The following SLC45A2 variants were observed in gnomAD, a reference collection of about 807,000 sequenced individuals.
The protein encoded by SLC45A2 is membrane-associated transporter protein.
Under a neutral mutation model 45.5 loss-of-function variants are expected in SLC45A2, and 36 were observed. The observed-to-expected ratio is 0.79, with a 90% confidence interval of 0.61 to 1.04. SLC45A2 has a LOEUF of 1.04. Among genes scored for constraint, SLC45A2 ranks in the 50% least tolerant of loss-of-function variants. The pLI is 0.00. For synonymous variants in SLC45A2, 306 were observed against 269.3 expected (o/e 1.14, Z -1.33); for missense variants, 719 against 671.0 (o/e 1.07, Z -0.79).
At chr5:33,962,268 T>C (rs1004582045) in intron 3 of SLC45A2, among the ~76,000 whole-genome samples, 3 of 152,242 alleles carry the variant, frequency 2.0e-5, no homozygotes, top group African/African-American at 7.2e-5. Context: ...AGTTTTATGG[T>C]CCCCAAATAT....
rs909760291 is a variant in SLC45A2 at position 33,944,851 on chromosome 5, C to A, written c.1390G>T (p.Asp464Tyr). The A allele has an allele frequency of 6.2e-7, 1 of 1,613,330 alleles. No individual in the cohort carries two copies. The highest frequency in any genetic ancestry group is 8.5e-7 in the Non-Finnish European group (1 of 1,179,658). The change falls in exon 7 of 7, where the codon GAC becomes TAC. Residue 464 changes from aspartate (D) to tyrosine (Y), a missense_variant. Transcript: ENST00000296589. Reference sequence around the variant, plus strand: ...TTCCCTCTCACGCTGTTGTCTGGGTCCCCTCCTGGGGCCTGCTGCCTCTGC... The same window carrying A: ...TTCCCTCTCACGCTGTTGTCTGGGTACCCTCCTGGGGCCTGCTGCCTCTGC... Reference protein sequence around the residue: ...EKERQQAPGGDPDNSVRGKGM... With the variant: ...EKERQQAPGGYPDNSVRGKGM...
chr5:33,979,371 C>A (rs140223798), intron 2 of SLC45A2, among the ~76,000 whole-genome samples: 1 of 152,296 alleles, frequency 6.6e-6, no homozygotes, highest in East Asian at 1.9e-4. Flanking sequence ...GGGGTTGTGG[C>A]AACCAAGGTT....
At chr5:33,959,732 T>C (rs1218507167) in intron 3 of SLC45A2, among the ~76,000 whole-genome samples, 1 of 152,186 alleles carries the variant, frequency 6.6e-6, no homozygotes, top group Non-Finnish European at 1.5e-5. Context: ...CAGTCATGTT[T>C]ATAGAATGAG....
intron 6 of SLC45A2, chr5:33,945,959 A>C: frequency 1.0e-6 from 1 of 985,386 alleles, no homozygotes; most frequent in Non-Finnish European, 1.2e-6. Context: ...GGAGATAGTA[A>C]ATGGTAAAGG....
chr5:33,945,822 A>C (rs1193962965), intron 6 of SLC45A2: 1 of 470,508 alleles, frequency 2.1e-6, no homozygotes, highest in Non-Finnish European at 2.8e-6. Flanking sequence ...ATGCTGAAAA[A>C]CGCATATTAT....
intron 2 of SLC45A2, among the ~76,000 whole-genome samples, chr5:33,974,851 C>T (rs1752878924): frequency 6.6e-6 from 1 of 152,094 alleles, no homozygotes; most frequent in Admixed American, 6.5e-5. Flanking sequence ...ATGGGTAATT[C>T]TATTAATTTC....
At chr5:33,969,077 G>C (rs1281635306) in intron 2 of SLC45A2, among the ~76,000 whole-genome samples, 25 of 58,758 alleles carry the variant, frequency 4.3e-4, no homozygotes, top group South Asian at 2.3e-3. Context: ...GTGTGTGTGT[G>C]TGTGTGTGTG....
intron 5 of SLC45A2, among the ~76,000 whole-genome samples, chr5:33,949,534 G>C (rs1171560405): frequency 6.6e-6 from 1 of 152,142 alleles, no homozygotes; most frequent in Non-Finnish European, 1.5e-5. Flanking sequence ...GAGTGAAAAA[G>C]GGCAAAGTAT....
chr5:33,946,008 T>G, intron 6 of SLC45A2: 1 of 985,480 alleles, frequency 1.0e-6, no homozygotes, highest in Non-Finnish European at 1.2e-6. Context: ...ATTGTGAATA[T>G]ATTATCTCAC....
intron 3 of SLC45A2, among the ~76,000 whole-genome samples, chr5:33,961,531 T>C (rs911567631): frequency 6.6e-6 from 1 of 152,206 alleles, no homozygotes; most frequent in South Asian, 2.1e-4. Context: ...CCCCAAAATC[T>C]CTATTCAAAT....
At chr5:33,945,006 A>G in intron 6 of SLC45A2, 134 bp from the exon 7 acceptor site, 1 of 828,702 alleles carries the variant, frequency 1.2e-6, no homozygotes, top group South Asian at 1.5e-5. Flanking sequence ...CCTGGTCATA[A>G]CTACTCAACT....
intron 3 of SLC45A2, among the ~76,000 whole-genome samples, chr5:33,961,653 C>T (rs1752460273): frequency 6.6e-6 from 1 of 152,110 alleles, no homozygotes; most frequent in South Asian, 2.1e-4. Context: ...TGCTATTTTG[C>T]CATTTGTGGC....
At chr5:33,954,196 T>C (rs774670695) in intron 4 of SLC45A2, among the ~76,000 whole-genome samples, 165 bp downstream of exon 4, 2 of 152,152 alleles carry the variant, frequency 1.3e-5, no homozygotes, top group Non-Finnish European at 2.9e-5. Flanking sequence ...TTGTCCAGGG[T>C]ATAGTAGCAT....
At position 33,947,986 on chromosome 5, in the gene SLC45A2, C is replaced by A. The variant is rs1751988630; in HGVS notation, c.1157-612G>T. Reference sequence around the variant, plus strand: ...GGTAAGGGGCTCCCACAGCACCCAGCATCTCCTCATCGCTGGCTCCCTAAC... The same window carrying A: ...GGTAAGGGGCTCCCACAGCACCCAGAATCTCCTCATCGCTGGCTCCCTAAC... On this transcript the variant is annotated intron_variant, in intron 5 of 6. Coordinates refer to ENST00000296589, the MANE Select transcript of SLC45A2 (RefSeq NM_016180.5). 2.6e-5 allele frequency among the ~76,000 whole-genome samples: 4 copies of A among 152,352 alleles called. No homozygotes were observed. The South Asian group carries it at 8.3e-4, about 32-fold the overall frequency.
At chr5:33,946,745 G>A (rs1325159789) in intron 6 of SLC45A2, 1 of 1,079,840 alleles carries the variant, frequency 9.3e-7, no homozygotes, top group Non-Finnish European at 1.1e-6. Flanking sequence ...ACCTCTGAAA[G>A]TTGGGGATAG....
chr5:33,983,496 T>C (rs892669844), intron 1 of SLC45A2, among the ~76,000 whole-genome samples: 11 of 152,380 alleles, frequency 7.2e-5, no homozygotes, highest in African/African-American at 2.6e-4. Flanking sequence ...TTCAAATATG[T>C]ACAAATGATA....
At position 33,984,282 on chromosome 5, in the gene SLC45A2, CG is replaced by C. The variant is rs1561375143; in HGVS notation, c.301del (p.Arg101AlafsTer12). The C allele has an allele frequency of 1.2e-6, 2 of 1,614,176 alleles. No individual in the cohort carries two copies. Among genetic ancestry groups the C allele is most frequent in the Non-Finnish European group, 8.5e-7 (1 of 1,180,028 alleles). ...ASDHCRSRWGRRRPYILTLGV... is the reference protein window; with the variant it reads ...ASDHCRSRWGXRRPYILTLGV... ...CAGGGTGAGGATGTAGGGTCTCCGG[CG>C]GCCCCACCTGGACCGGCAGTGGTCG... On this transcript the variant is annotated frameshift_variant, in exon 1 of 7. Transcript: ENST00000296589. LOFTEE classifies it high-confidence loss of function.
chr5:33,984,099 C>T lies in SLC45A2; in HGVS notation c.385+100G>A, dbSNP rs1042708430. ...GTAACCTAGGAGAGATCAATTCTAA[C>T]AAATTTCTAGGAAAGGTCAAACACA... On this transcript the variant is annotated intron_variant, in intron 1 of 6. Transcript: ENST00000296589. 22 of 1,558,382 alleles carry T rather than the reference C, an allele frequency of 1.4e-5. No individual in the cohort carries two copies. The African/African-American group carries it at 2.6e-4, about 18-fold the overall frequency.
intron 2 of SLC45A2, among the ~76,000 whole-genome samples, chr5:33,973,567 T>C (rs910595148): frequency 3.3e-5 from 5 of 152,244 alleles, no homozygotes; most frequent in Admixed American, 1.3e-4. Context: ...TTTTTAAGAC[T>C]CTTTTCTTAG....
Sources: gnomAD v4.1 joint callset for allele counts (sites outside exome capture counted in the v4.1 genomes callset) on GRCh38, gnomAD v4.1.1 for gene constraint, MANE v1.5 for transcripts, NCBI Gene and HGNC (gene_info 2026-07-23, HGNC 2026-07-21) for gene names.